Variants in RASGRP3 observed in about 807,000 individuals in gnomAD.
RASGRP3 encodes ras guanyl-releasing protein 3.
RASGRP3 carries 54 observed loss-of-function variants against 82.7 expected under a neutral mutation model. That is an observed-to-expected ratio of 0.65 (90% CI 0.52 to 0.82). The LOEUF is 0.82. Ranked by LOEUF, RASGRP3 falls within the 40% of genes least tolerant of loss-of-function variation. The pLI is 0.00. For missense variants in RASGRP3, 861 were observed against 828.9 expected, an observed-to-expected ratio of 1.04 and a Z score of -0.48; for synonymous variants, 309 against 300.5, an observed-to-expected ratio of 1.03 and a Z score of -0.29.
intron 17 of RASGRP3, among the ~76,000 whole-genome samples, chr2:33,561,493 C>T (rs1676651258): frequency 6.6e-6 from 1 of 152,070 alleles, no homozygotes; most frequent in African/African-American, 2.4e-5. Flanking sequence ...GTTCCAGTAC[C>T]ATTCAAATCA....
At chr2:33,541,314 TA>T (rs1374519814) in intron 12 of RASGRP3, among the ~76,000 whole-genome samples, 1 of 147,360 alleles carries the variant, frequency 6.8e-6, no homozygotes, top group Non-Finnish European at 1.5e-5. Flanking sequence ...GTAGATTATC[TA>T]ATATGACTTT....
intron 2 of RASGRP3, among the ~76,000 whole-genome samples, chr2:33,464,680 T>C (rs898169575): frequency 6.6e-6 from 1 of 152,134 alleles, no homozygotes; most frequent in African/African-American, 2.4e-5. Context: ...TTTCACTATG[T>C]TGCCCAGGTT....
chr2:33,546,422 CAAAA>C (rs776842532), intron 13 of RASGRP3, among the ~76,000 whole-genome samples: 2 of 79,534 alleles, frequency 2.5e-5, no homozygotes, highest in African/African-American at 4.4e-5. Flanking sequence ...GACTCCGTCT[CAAAA>C]AAAAAAAAAA....
In RASGRP3 at chr2:33,527,163, C is replaced by T. The variant is rs1415555746; in HGVS notation, c.834C>T (p.Val278=). 6.2e-7 allele frequency: 1 copy of T among 1,614,016 alleles called. No homozygotes were observed. The highest frequency in any genetic ancestry group is 2.2e-5 in the East Asian group (1 of 44,884). The change falls in exon 10 of 18, where the codon GTC becomes GTT. Residue 278 remains valine (V), a synonymous_variant. Coordinates refer to ENST00000403687, the MANE Select transcript of RASGRP3 (RefSeq NM_001139488.2). ...TKNWNEMTEL[V]SSNGNYCNYR... Reference sequence around the variant, plus strand: ...ACTGGAATGAAATGACAGAGTTGGTCTCCTCCAACGGCAATTACTGCAATT... The same window carrying T: ...ACTGGAATGAAATGACAGAGTTGGTTTCCTCCAACGGCAATTACTGCAATT...
chr2:33,555,081 A>G (rs1435061977), intron 14 of RASGRP3: 1 of 154,346 alleles, frequency 6.5e-6, no homozygotes, highest in African/African-American at 2.4e-5. Context: ...CGGGACAAAT[A>G]CTACTCAGAA....
chr2:33,551,866 G>A (rs1169843772), intron 14 of RASGRP3, among the ~76,000 whole-genome samples: 10 of 151,776 alleles, frequency 6.6e-5, no homozygotes, highest in Non-Finnish European at 1.0e-4. Flanking sequence ...GGTGGTGGGC[G>A]CCTGCAGTCC....
At chr2:33,517,435 G>C (rs147257715) in intron 4 of RASGRP3, among the ~76,000 whole-genome samples, 8 of 152,186 alleles carry the variant, frequency 5.3e-5, no homozygotes, top group African/African-American at 1.9e-4. Flanking sequence ...CCTACAGGGA[G>C]GGGGAGCCTT....
At position 33,511,648 on chromosome 2, in the gene RASGRP3, G is replaced by A. The variant is rs1054373841; in HGVS notation, c.-260-62G>A. On this transcript the variant is annotated intron_variant, in intron 1 of 17. Transcript: ENST00000403687. ...TTTTGAAAATGCTTTAACACAATGT[G>A]GATTCTTTGGGGTTATCATGATCTA... is the stretch of plus-strand genomic sequence containing the variant. 4 of 152,712 alleles carry A rather than the reference G, an allele frequency of 2.6e-5. No homozygotes were observed. The East Asian group carries it at 7.7e-4, about 29-fold the overall frequency. The allele number at this position is 152,712 out of a possible 1,614,324, so 9.5% of individuals were successfully genotyped here.
At position 33,534,347 on chromosome 2, in the gene RASGRP3, G is replaced by C. The variant is rs1673392965; in HGVS notation, c.1108G>C (p.Glu370Gln). The change falls in exon 11 of 18, where the codon GAA becomes CAA. Residue 370 changes from glutamate to glutamine, a missense_variant. Transcript: ENST00000403687. Reference protein sequence around the residue: ...LTLSLDLYHTEDDIYKLSLVL... With the variant: ...LTLSLDLYHTQDDIYKLSLVL... ...GCTTTCCCTGGACCTCTATCACACT[G>C]AAGATGATATTTACAAACTGTCACT... The C allele has an allele frequency of 6.3e-7, 1 of 1,578,250 alleles. No homozygotes were observed. The highest frequency in any genetic ancestry group is 1.3e-5 in the African/African-American group (1 of 74,238).
chr2:33,453,533 G>T (rs1574234489), intron 2 of RASGRP3, among the ~76,000 whole-genome samples: 2 of 152,230 alleles, frequency 1.3e-5, no homozygotes, highest in African/African-American at 4.8e-5. Context: ...GGGTCTTATT[G>T]GATACCCTTA....
Position 33,539,149 on chromosome 2 carries a change from T to A in RASGRP3, c.1217T>A (p.Leu406Ter), listed in dbSNP as rs1433649873. ...NKPVVPLEWA[L>*]GVMPKPDPTV... is the part of the protein sequence containing the mutation. ...CCTGTGGTACCCCTGGAGTGGGCAT[T>A]AGGGGTGATGCCAAAGCCAGACCCC... The change falls in exon 12 of 18, where the codon TTA becomes TAA. Residue 406 changes from leucine to a stop codon, truncating the protein, a stop_gained. Transcript: ENST00000403687. LOFTEE classifies it high-confidence loss of function. The A allele has an allele frequency of 1.2e-6, 2 of 1,612,282 alleles. No homozygotes were observed. The highest frequency in any genetic ancestry group is 2.2e-5 in the South Asian group (2 of 90,474).
chr2:33,466,050 T>G (rs1213491949), intron 2 of RASGRP3, among the ~76,000 whole-genome samples: 2 of 151,982 alleles, frequency 1.3e-5, no homozygotes, highest in African/African-American at 4.8e-5. Flanking sequence ...CTAGTGTAGA[T>G]GTACAAAGAG....
intron 1 of RASGRP3, among the ~76,000 whole-genome samples, chr2:33,477,813 A>G (rs1667511361): frequency 6.6e-6 from 1 of 152,152 alleles, no homozygotes; most frequent in Non-Finnish European, 1.5e-5. Flanking sequence ...AGATAACCAA[A>G]CAGGTTCCTG....
intron 3 of RASGRP3, among the ~76,000 whole-genome samples, chr2:33,515,899 G>A (rs1042751618): frequency 6.6e-6 from 1 of 152,188 alleles, no homozygotes; most frequent in Non-Finnish European, 1.5e-5. Flanking sequence ...AGGATGACCA[G>A]TTACATTTGA....
intron 1 of RASGRP3, among the ~76,000 whole-genome samples, chr2:33,483,336 C>G (rs539107721): frequency 1.5e-4 from 23 of 152,060 alleles, no homozygotes; most frequent in Non-Finnish European, 2.4e-4. Context: ...ATCATTATGC[C>G]GTTGATTTGC....
chr2:33,511,129 T>C (rs1199233386), intron 1 of RASGRP3, among the ~76,000 whole-genome samples: 1 of 152,206 alleles, frequency 6.6e-6, no homozygotes, highest in Non-Finnish European at 1.5e-5. Context: ...AAATTTGGCT[T>C]ATTGTGTCCC....
intron 13 of RASGRP3, among the ~76,000 whole-genome samples, chr2:33,545,416 T>C (rs1334923511): frequency 6.6e-6 from 1 of 152,228 alleles, no homozygotes; most frequent in Admixed American, 6.5e-5. Context: ...CAGGGTTAAA[T>C]CTCATTAAAT....
intron 15 of RASGRP3, among the ~76,000 whole-genome samples, chr2:33,555,992 C>T (rs563155198): frequency 1.8e-4 from 27 of 152,262 alleles, no homozygotes; most frequent in African/African-American, 6.0e-4. Context: ...TGACAAAAAA[C>T]GAGGAGAAAA....
At chr2:33,474,494 G>T (rs1364420905), upstream of RASGRP3, among the ~76,000 whole-genome samples, 1 of 152,092 alleles carries the variant, frequency 6.6e-6, no homozygotes, top group Admixed American at 6.5e-5. Flanking sequence ...GTAGAGACAG[G>T]GTTTTGCCAT....
Sources: gnomAD v4.1 joint callset for allele counts (sites outside exome capture counted in the v4.1 genomes callset) on GRCh38, gnomAD v4.1.1 for gene constraint, MANE v1.5 for transcripts, NCBI Gene and HGNC (gene_info 2026-07-23, HGNC 2026-07-21) for gene names.